The following SAMD12 variants were observed in gnomAD, a reference collection of about 807,000 sequenced individuals.
SAMD12 encodes the protein sterile alpha motif domain containing 12, also known as sterile alpha motif domain-containing protein 12.
In SAMD12, 9 loss-of-function variants were observed where a neutral mutation model predicts 15.0. The ratio of observed to expected loss-of-function variants is 0.60; its 90% CI spans 0.36 to 1.05. The LOEUF (loss-of-function observed/expected upper bound fraction) is 1.05. Among genes scored for constraint, SAMD12 ranks in the 50% least tolerant of loss-of-function variants. The pLI, the probability that SAMD12 is intolerant of heterozygous loss-of-function variation, is 0.01. For missense variants in SAMD12, 230 were observed against 234.2 expected, an observed-to-expected ratio of 0.98 and a Z score of 0.12; for synonymous variants, 86 against 90.1, an observed-to-expected ratio of 0.96 and a Z score of 0.25.
At chr8:118,241,113 T>A (rs955431571) in intron 4 of SAMD12, among the ~76,000 whole-genome samples, 15 of 152,282 alleles carry the variant, frequency 9.9e-5, no homozygotes, top group Non-Finnish European at 1.9e-4. Context: ...CTCCCATCTG[T>A]CTTTATGGTC....
intron 4 of SAMD12, among the ~76,000 whole-genome samples, chr8:118,210,030 G>C (rs1819975003): frequency 6.6e-6 from 1 of 152,228 alleles, no homozygotes; most frequent in African/African-American, 2.4e-5. Flanking sequence ...CTGCTATGCA[G>C]CACTTAACTT....
At chr8:118,242,377 G>C (rs963964890) in intron 4 of SAMD12, among the ~76,000 whole-genome samples, 3 of 152,146 alleles carry the variant, frequency 2.0e-5, no homozygotes, top group African/African-American at 7.2e-5. Context: ...CCAGTAGTTA[G>C]TCTCCCATTA....
At chr8:118,242,005 T>C (rs1205447926) in intron 4 of SAMD12, among the ~76,000 whole-genome samples, 3 of 152,146 alleles carry the variant, frequency 2.0e-5, no homozygotes, top group Non-Finnish European at 2.9e-5. Flanking sequence ...TTGACCTCCC[T>C]GGGCTCAGGT....
chr8:118,328,960 C>T (rs931729723), intron 4 of SAMD12, among the ~76,000 whole-genome samples: 11 of 152,144 alleles, frequency 7.2e-5, no homozygotes, highest in African/African-American at 1.7e-4. Context: ...TTCTCCTCAG[C>T]GCTAAAGTAG....
the SAMD12 span, among the ~76,000 whole-genome samples, chr8:118,135,637 G>A: frequency 1.3e-5 from 2 of 152,044 alleles, no homozygotes; most frequent in Non-Finnish European, 2.9e-5. Context: ...CAACCTCCCA[G>A]GCTCAGGTAA....
chr8:118,508,814 T>C (rs1412096396), intron 2 of SAMD12, among the ~76,000 whole-genome samples: 1 of 152,176 alleles, frequency 6.6e-6, no homozygotes, highest in Admixed American at 6.5e-5. Flanking sequence ...AAAGGATGAA[T>C]GCGTTTTCTC....
chr8:118,577,783 G>A (rs1485075084), intron 2 of SAMD12, among the ~76,000 whole-genome samples: 2 of 152,010 alleles, frequency 1.3e-5, no homozygotes, highest in African/African-American at 2.4e-5. Flanking sequence ...AAGACCCCAC[G>A]ATAACTCACT....
chr8:118,225,824 T>C (rs926527745), intron 4 of SAMD12, among the ~76,000 whole-genome samples: 2 of 152,000 alleles, frequency 1.3e-5, no homozygotes, highest in African/African-American at 4.8e-5. Context: ...ACTTACAAAA[T>C]CATCAAAGCA....
At chr8:118,479,156 C>T (rs73708333) in intron 2 of SAMD12, among the ~76,000 whole-genome samples, 1,671 of 151,846 alleles carry the variant, frequency 0.011, 22 homozygotes, top group Middle Eastern at 0.031. Context: ...ATCACATCTC[C>T]TACCACTGTA....
the SAMD12 span, among the ~76,000 whole-genome samples, chr8:118,140,430 C>T: frequency 6.6e-6 from 1 of 152,102 alleles, no homozygotes; most frequent in Non-Finnish European, 1.5e-5. Flanking sequence ...TGCCACCATG[C>T]CTAGCTAATT....
intron 3 of SAMD12, among the ~76,000 whole-genome samples, chr8:118,422,783 G>C (rs984766250): frequency 1.3e-5 from 2 of 152,202 alleles, no homozygotes; most frequent in East Asian, 3.8e-4. Flanking sequence ...AGTAAGAAGA[G>C]AGAAGAGGAG....
intron 2 of SAMD12, among the ~76,000 whole-genome samples, chr8:118,555,394 T>C (rs1826498956): frequency 6.6e-6 from 1 of 152,204 alleles, no homozygotes; most frequent in African/African-American, 2.4e-5. Context: ...GAAAAACAGA[T>C]ACTGAATTCA....
At chr8:118,370,807 A>G (rs575594927) in intron 4 of SAMD12, among the ~76,000 whole-genome samples, 36 of 152,210 alleles carry the variant, frequency 2.4e-4, no homozygotes, top group African/African-American at 8.2e-4. Context: ...GGGGAGGGAG[A>G]GCATCAGGAA....
intron 2 of SAMD12, among the ~76,000 whole-genome samples, chr8:118,534,735 C>T (rs977285990): frequency 2.6e-5 from 4 of 152,196 alleles, no homozygotes; most frequent in South Asian, 2.1e-4. Context: ...TTGATCGAAT[C>T]GGCTACTGAA....
At chr8:118,380,492 T>A (rs780534006) in intron 3 of SAMD12, among the ~76,000 whole-genome samples, 1 of 152,160 alleles carries the variant, frequency 6.6e-6, no homozygotes, top group Non-Finnish European at 1.5e-5. Context: ...ATACTTCTCT[T>A]CCTACTGTGA....
At chr8:118,221,832 TG>T (rs1200241148) in intron 4 of SAMD12, among the ~76,000 whole-genome samples, 2 of 152,200 alleles carry the variant, frequency 1.3e-5, no homozygotes, top group African/African-American at 4.8e-5. Flanking sequence ...TTACATTCGT[TG>T]GGGTGATTAT....
chr8:118,613,026 C>T (rs1173910171), intron 1 of SAMD12, among the ~76,000 whole-genome samples: 1 of 152,132 alleles, frequency 6.6e-6, no homozygotes, highest in Non-Finnish European at 1.5e-5. Flanking sequence ...GACTTCAGAG[C>T]AGTAGTTGTC....
At chr8:118,281,781 G>C (rs1282457713) in intron 4 of SAMD12, among the ~76,000 whole-genome samples, 1 of 152,112 alleles carries the variant, frequency 6.6e-6, no homozygotes, top group African/African-American at 2.4e-5. Context: ...TTCCAGGAAT[G>C]GTTAAAAGCC....
chr8:118,239,534 G>A (rs1812520547), intron 4 of SAMD12, among the ~76,000 whole-genome samples: 1 of 152,018 alleles, frequency 6.6e-6, no homozygotes, highest in Non-Finnish European at 1.5e-5. Flanking sequence ...ACCTTAATGG[G>A]CACCAGTTTC....
Sources: allele counts gnomAD v4.1 joint callset (sites outside exome capture counted in the v4.1 genomes callset), GRCh38; gene constraint gnomAD v4.1.1; transcripts MANE v1.5; gene names NCBI Gene and HGNC (gene_info 2026-07-23, HGNC 2026-07-21).